Variants in FBXO4 observed in about 807,000 individuals in gnomAD.
FBXO4 encodes F-box only protein 4.
Under a neutral mutation model 43.7 loss-of-function variants are expected in FBXO4, and 36 were observed. That is an observed-to-expected ratio of 0.82 (90% CI 0.63 to 1.09). The LOEUF (loss-of-function observed/expected upper bound fraction) is 1.09. FBXO4 is among the 50% of genes least tolerant of loss of function. FBXO4 has a pLI of 0.00. For missense variants in FBXO4, 435 were observed against 474.1 expected (o/e 0.92, Z 0.77); for synonymous variants, 180 against 165.6 (o/e 1.09, Z -0.67).
At chr5:41,934,491 G>T in intron 5 of FBXO4, 183 bp downstream of exon 5, 1 of 1,422,640 alleles carries the variant, frequency 7.0e-7, no homozygotes, top group Non-Finnish European at 9.2e-7. Flanking sequence ...CACCTGGGAA[G>T]CTTGTTAAAC....
At chr5:41,985,595 C>G in the FBXO4 span, among the ~76,000 whole-genome samples, 567 of 152,208 alleles carry the variant, frequency 3.7e-3, 6 homozygotes, top group African/African-American at 0.01. Flanking sequence ...GTGTTAGAGT[C>G]TGTGCAGGAG....
chr5:41,950,737 C>T, the FBXO4 span, among the ~76,000 whole-genome samples: 1 of 152,200 alleles, frequency 6.6e-6, no homozygotes, highest in African/African-American at 2.4e-5. Context: ...GATTATAAAT[C>T]ATTCTACTAT....
the FBXO4 span, among the ~76,000 whole-genome samples, chr5:42,009,829 C>T: frequency 6.6e-6 from 1 of 152,166 alleles, no homozygotes. Context: ...GCACTAAGAA[C>T]ATATATGTTG....
intron 5 of FBXO4, among the ~76,000 whole-genome samples, chr5:41,938,127 T>C (rs1222337709): frequency 6.6e-6 from 1 of 152,152 alleles, no homozygotes; most frequent in Non-Finnish European, 1.5e-5. Context: ...TGGAGCTATA[T>C]ATAAAAGGTT....
At chr5:41,952,326 A>C in the FBXO4 span, 2 of 152,298 alleles carry the variant, frequency 1.3e-5, no homozygotes, top group African/African-American at 4.8e-5. Flanking sequence ...AATTCAGAAG[A>C]TATATTGATC....
At chr5:41,934,893 T>C in intron 5 of FBXO4, 2 of 985,432 alleles carry the variant, frequency 2.0e-6, no homozygotes, top group Non-Finnish European at 2.4e-6. Flanking sequence ...TATTATAATA[T>C]CTTTCCCAAA....
chr5:42,031,876 G>A, the FBXO4 span, among the ~76,000 whole-genome samples: 1 of 151,930 alleles, frequency 6.6e-6, no homozygotes, highest in Non-Finnish European at 1.5e-5. Flanking sequence ...GATTTAACCT[G>A]TATCTGCATT....
At chr5:42,001,335 T>G in the FBXO4 span, among the ~76,000 whole-genome samples, 1,766 of 152,272 alleles carry the variant, frequency 0.012, 79 homozygotes, top group Admixed American at 0.074. Flanking sequence ...GTTCAAGTGA[T>G]TCTCCTCTCT....
the FBXO4 span, among the ~76,000 whole-genome samples, chr5:41,973,819 G>A: frequency 1.3e-5 from 2 of 152,100 alleles, no homozygotes; most frequent in African/African-American, 4.8e-5. Flanking sequence ...TTGATAATGG[G>A]TTAAAGCTAA....
At chr5:41,989,363 T>C in the FBXO4 span, among the ~76,000 whole-genome samples, 1 of 152,118 alleles carries the variant, frequency 6.6e-6, no homozygotes, top group African/African-American at 2.4e-5. Context: ...AAAATAACTA[T>C]TAATTCAGAA....
the FBXO4 span, among the ~76,000 whole-genome samples, chr5:41,978,883 G>C: frequency 6.6e-6 from 1 of 152,014 alleles, no homozygotes; most frequent in Non-Finnish European, 1.5e-5. Context: ...CTTGGAACTT[G>C]GTGTTGAGGG....
the FBXO4 span, among the ~76,000 whole-genome samples, chr5:42,007,573 C>T: frequency 1.6e-3 from 241 of 152,218 alleles, no homozygotes; most frequent in Non-Finnish European, 2.8e-3. Flanking sequence ...CTTGATTAAT[C>T]TGAGTACCCA....
the FBXO4 span, among the ~76,000 whole-genome samples, chr5:41,989,082 T>C: frequency 6.6e-6 from 1 of 152,152 alleles, no homozygotes; most frequent in Non-Finnish European, 1.5e-5. Flanking sequence ...GTTGAATTAG[T>C]TCAATATTTA....
the FBXO4 span, among the ~76,000 whole-genome samples, chr5:42,004,419 C>T: frequency 6.6e-6 from 1 of 151,730 alleles, no homozygotes; most frequent in Non-Finnish European, 1.5e-5. Context: ...TGGGTATATT[C>T]GAGAGGTAAA....
the FBXO4 span, among the ~76,000 whole-genome samples, chr5:42,021,867 C>T: frequency 6.6e-6 from 1 of 151,996 alleles, no homozygotes; most frequent in African/African-American, 2.4e-5. Context: ...AAGCATGAAT[C>T]AAATAGCAGG....
the FBXO4 span, among the ~76,000 whole-genome samples, chr5:42,005,691 C>A: frequency 6.6e-6 from 1 of 152,120 alleles, no homozygotes; most frequent in South Asian, 2.1e-4. Context: ...TTTATTCCAG[C>A]TGTACAGAAG....
the FBXO4 span, among the ~76,000 whole-genome samples, chr5:41,949,563 G>A: frequency 1.4e-4 from 21 of 152,300 alleles, no homozygotes; most frequent in African/African-American, 3.9e-4. Flanking sequence ...GGAAATAAGA[G>A]AGGACACAAA....
At chr5:42,028,788 TAAACAAAC>T in the FBXO4 span, among the ~76,000 whole-genome samples, 1 of 151,722 alleles carries the variant, frequency 6.6e-6, no homozygotes, top group African/African-American at 2.4e-5. Flanking sequence ...ATAGTTTGCA[TAAACAAAC>T]AAACAAAAAG....
the FBXO4 span, among the ~76,000 whole-genome samples, chr5:41,992,541 C>A: frequency 2.6e-5 from 4 of 152,106 alleles, no homozygotes; most frequent in African/African-American, 9.7e-5. Flanking sequence ...TTTCTGAGTT[C>A]TATTGTGGAA....
Sources: gnomAD v4.1 joint callset for allele counts (sites outside exome capture counted in the v4.1 genomes callset) on GRCh38, gnomAD v4.1.1 for gene constraint, MANE v1.5 for transcripts, NCBI Gene and HGNC (gene_info 2026-07-23, HGNC 2026-07-21) for gene names.